Variants in RELN observed in about 807,000 individuals in gnomAD.
RELN encodes reelin.
RELN carries 108 observed loss-of-function variants against 427.6 expected under a neutral mutation model. That is an observed-to-expected ratio of 0.25 (90% CI 0.22 to 0.30). RELN has a LOEUF of 0.30. RELN is among the 10% of genes least tolerant of loss of function. RELN has a pLI of 1.00. For synonymous variants in RELN, 1,524 were observed against 1,513.4 expected, an observed-to-expected ratio of 1.01 and a Z score of -0.16; for missense variants, 3,715 against 4,302.8, an observed-to-expected ratio of 0.86 and a Z score of 3.82.
intron 31 of RELN, among the ~76,000 whole-genome samples, chr7:103,568,756 T>C (rs1485157447): frequency 6.6e-6 from 1 of 152,206 alleles, no homozygotes; most frequent in East Asian, 1.9e-4. Context: ...TTACATTTAA[T>C]AAGATGAGAG....
In RELN at chr7:103,586,743, T is replaced by C. The variant is rs115373262; in HGVS notation, c.4145+2853A>G. On this transcript the variant is annotated intron_variant, in intron 28 of 64. Transcript: ENST00000428762. ...AGAGCATTTCTATACACCAGTAACA[T>C]TGAAGCTGAGTACAAAATCAAGAAT... is the stretch of plus-strand genomic sequence containing the variant. 4.4e-3 allele frequency among the ~76,000 whole-genome samples: 675 copies of C among 152,222 alleles called. 5 individuals are homozygous for C. The highest frequency in any genetic ancestry group is 0.015 in the African/African-American group (626 of 41,528).
intron 1 of RELN, among the ~76,000 whole-genome samples, chr7:103,962,646 T>TTGTGTGTGTGTGTGTGTGTG (rs57782980): frequency 2.7e-4 from 41 of 149,924 alleles, no homozygotes; most frequent in African/African-American, 9.6e-4. Context: ...TCCAAAGTTG[T>TTGTGTGTGTGTGTGTGTGTG]TGTGTGTGTG....
intron 62 of RELN, 56 bp downstream of exon 62, chr7:103,483,597 A>G: frequency 1.3e-6 from 2 of 1,552,238 alleles, no homozygotes; most frequent in South Asian, 1.1e-5. Context: ...TGTGATTCCC[A>G]GGGATTCACA....
chr7:103,704,979 A>G (rs1451355707), intron 8 of RELN, among the ~76,000 whole-genome samples: 8 of 152,046 alleles, frequency 5.3e-5, no homozygotes, highest in African/African-American at 1.7e-4. Context: ...GGCTGATCCG[A>G]TATTTCTGGG....
intron 1 of RELN, among the ~76,000 whole-genome samples, chr7:103,969,580 G>A (rs1289186316): frequency 6.6e-6 from 1 of 152,112 alleles, no homozygotes; most frequent in African/African-American, 2.4e-5. Context: ...GAAAATCTAG[G>A]AAATAAATTA....
intron 11 of RELN, among the ~76,000 whole-genome samples, chr7:103,673,952 CCTT>C (rs748492452): frequency 1.2e-3 from 189 of 152,104 alleles, no homozygotes; most frequent in African/African-American, 4.4e-3. Context: ...TCTTCCTCCT[CCTT>C]CTTCTTCTCC....
At chr7:103,797,606 A>C (rs939554308) in intron 3 of RELN, among the ~76,000 whole-genome samples, 8 of 152,092 alleles carry the variant, frequency 5.3e-5, no homozygotes, top group Non-Finnish European at 1.2e-4. Context: ...TCCCTCCAAT[A>C]TCCAGTCCAA....
chr7:103,555,637 A>G (rs1182193044), intron 38 of RELN, among the ~76,000 whole-genome samples: 1 of 151,940 alleles, frequency 6.6e-6, no homozygotes, highest in Non-Finnish European at 1.5e-5. Context: ...ACGCCCAGCT[A>G]ATTTTTTTGT....
chr7:103,989,109 G>A lies in RELN; in HGVS notation c.226+22C>T. The A allele has an allele frequency of 3.1e-6, 5 of 1,606,536 alleles. No individual in the cohort carries two copies. Among genetic ancestry groups the A allele is most frequent in the Non-Finnish European group, 4.3e-6 (5 of 1,174,046 alleles). Reference sequence around the variant, plus strand: ...GCGGGCGCACCCGGCGGCGGCGAGCGCGGAGGTGCTGCGGTACCTACCATG... The same window carrying A: ...GCGGGCGCACCCGGCGGCGGCGAGCACGGAGGTGCTGCGGTACCTACCATG... On this transcript the variant is annotated intron_variant, in intron 1 of 64. Coordinates refer to ENST00000428762, the MANE Select transcript of RELN (RefSeq NM_005045.4). This position sits in a 1 kb window ranked among gnomAD's most constrained non-coding sequence, Gnocchi z 4.9.
At chr7:103,817,161 T>C (rs1256097704) in intron 3 of RELN, among the ~76,000 whole-genome samples, 1 of 152,182 alleles carries the variant, frequency 6.6e-6, no homozygotes, top group East Asian at 1.9e-4. Context: ...CCCTTGCTTA[T>C]ATTTCTTTAT....
At chr7:103,479,713 T>G (rs1562839182) in intron 63 of RELN, among the ~76,000 whole-genome samples, 2 of 152,206 alleles carry the variant, frequency 1.3e-5, no homozygotes. Context: ...ACCATTTAAT[T>G]AAAAATACAT....
Position 103,483,997 on chromosome 7 carries a change from G to A in RELN, c.9984-147C>T, listed in dbSNP as rs561359418. 4.8e-5 allele frequency: 37 copies of A among 763,900 alleles called. 1 individual carries two copies. The highest frequency in any genetic ancestry group is 7.0e-5 in the African/African-American group (4 of 57,542). The allele number at this position is 763,900 out of a possible 1,614,324, so 47.3% of individuals were successfully genotyped here. A position where few individuals can be genotyped will look rare whatever the true frequency, so the allele number is the denominator to read the frequency against. On this transcript the variant is annotated intron_variant, in intron 61 of 64. Transcript: ENST00000428762. The stretch of plus-strand genomic sequence containing the variant: ...TGGGTTCAAGCGATTTTCCTGCCTC[G>A]GTCTCCCTAGTAGCTGGCATAACAG...
At chr7:103,492,882 G>A (rs1329594102) in intron 57 of RELN, among the ~76,000 whole-genome samples, 2 of 151,992 alleles carry the variant, frequency 1.3e-5, no homozygotes, top group Non-Finnish European at 2.9e-5. Flanking sequence ...AAGAGTGTGA[G>A]TGAAGACAAA....
chr7:103,632,829 T>C (rs1832499807), intron 19 of RELN, among the ~76,000 whole-genome samples: 1 of 152,094 alleles, frequency 6.6e-6, no homozygotes, highest in Non-Finnish European at 1.5e-5. Context: ...TACAATGATA[T>C]ACACTATGGA....
intron 64 of RELN, among the ~76,000 whole-genome samples, chr7:103,475,942 G>A (rs958733025): frequency 6.6e-6 from 1 of 151,834 alleles, no homozygotes; most frequent in African/African-American, 2.4e-5. Context: ...TGGTAGAGAC[G>A]GGGTCTTGCT....
At chr7:103,886,218 T>A (rs79509902) in intron 2 of RELN, among the ~76,000 whole-genome samples, 1 of 152,178 alleles carries the variant, frequency 6.6e-6, no homozygotes, top group South Asian at 2.1e-4. Context: ...AAAACCTACA[T>A]TGGGACCCCA....
At chr7:103,744,273 T>G (rs1237530131) in intron 6 of RELN, among the ~76,000 whole-genome samples, 7 of 151,654 alleles carry the variant, frequency 4.6e-5, no homozygotes, top group Non-Finnish European at 5.9e-5. Context: ...AGTGTGTAGA[T>G]GGAAATTTAT....
intron 31 of RELN, among the ~76,000 whole-genome samples, chr7:103,567,937 T>C (rs142385240): frequency 2.2e-3 from 339 of 152,088 alleles, no homozygotes; most frequent in African/African-American, 7.8e-3. Flanking sequence ...GCTGGGACTA[T>C]AGGTGTGTGC....
rs11974325 is a variant in RELN, at chr7:103,661,832, C to G, written c.1290-305G>C. On this transcript the variant is annotated intron_variant, in intron 11 of 64. Coordinates refer to ENST00000428762, the MANE Select transcript of RELN (RefSeq NM_005045.4). ...GCTCCAGACTGAGATACTTTTCATTCTTTAAGTACTTATAGTTGAGTTGGG... is the reference window on the plus strand; with the variant it reads ...GCTCCAGACTGAGATACTTTTCATTGTTTAAGTACTTATAGTTGAGTTGGG... Among the ~76,000 whole-genome samples the G allele has an allele frequency of 0.29, 44,681 of 151,980 alleles. 6,686 individuals carry two copies. The highest frequency in any genetic ancestry group is 0.4 in the Middle Eastern group (117 of 294).
Sources: allele counts gnomAD v4.1 joint callset (sites outside exome capture counted in the v4.1 genomes callset), GRCh38; gene constraint gnomAD v4.1.1; non-coding constraint Gnocchi (gnomAD v3.1); transcripts MANE v1.5; gene names NCBI Gene and HGNC (gene_info 2026-07-23, HGNC 2026-07-21).